The following CADM2 variants were observed in gnomAD, a reference collection of about 807,000 sequenced individuals.
The protein encoded by CADM2 is immunoglobulin superfamily member 4D.
In CADM2, 12 loss-of-function variants were observed where a neutral mutation model predicts 49.8. The ratio of observed to expected loss-of-function variants is 0.24; its 90% CI spans 0.15 to 0.39. CADM2 has a LOEUF of 0.39. Among genes scored for constraint, CADM2 ranks in the 10% least tolerant of loss-of-function variants. The pLI, the probability that CADM2 is intolerant of heterozygous loss-of-function variation, is 1.00. For missense variants in CADM2, 378 were observed against 492.3 expected, an observed-to-expected ratio of 0.77 and a Z score of 2.20; for synonymous variants, 214 against 175.4, an observed-to-expected ratio of 1.22 and a Z score of -1.74.
chr3:85,402,364 T>C (rs2035156457), intron 1 of CADM2, among the ~76,000 whole-genome samples: 1 of 152,056 alleles, frequency 6.6e-6, no homozygotes, highest in Non-Finnish European at 1.5e-5. Flanking sequence ...ATTCCTTCTA[T>C]ATAGCTACAC....
chr3:85,106,931 C>A (rs2038249263), intron 1 of CADM2, among the ~76,000 whole-genome samples: 1 of 151,990 alleles, frequency 6.6e-6, no homozygotes. Flanking sequence ...ATTAGGAGAT[C>A]TAAAAGAAAA....
At chr3:85,202,552 G>A (rs1041400662) in intron 1 of CADM2, among the ~76,000 whole-genome samples, 3 of 151,900 alleles carry the variant, frequency 2.0e-5, no homozygotes, top group Non-Finnish European at 4.4e-5. Flanking sequence ...GTAAACAGAT[G>A]TGCTGTCATA....
At chr3:85,271,879 T>C (rs1363660455) in intron 1 of CADM2, among the ~76,000 whole-genome samples, 1 of 151,224 alleles carries the variant, frequency 6.6e-6, no homozygotes, top group Non-Finnish European at 1.5e-5. Flanking sequence ...TAGGGATTAC[T>C]TAATAGCAAA....
chr3:85,630,756 A>G (rs2064282989), intron 1 of CADM2, among the ~76,000 whole-genome samples: 1 of 152,010 alleles, frequency 6.6e-6, no homozygotes, highest in African/African-American at 2.4e-5. Flanking sequence ...TAAGAAAGAA[A>G]ATTAAGCATT....
chr3:85,802,575 G>A (rs2072118142), intron 3 of CADM2, among the ~76,000 whole-genome samples: 1 of 152,026 alleles, frequency 6.6e-6, no homozygotes, highest in South Asian at 2.1e-4. Context: ...TTTGGAAGAT[G>A]CAATATGATT....
intron 1 of CADM2, among the ~76,000 whole-genome samples, chr3:85,004,274 T>C (rs1872553): frequency 6.6e-6 from 1 of 151,884 alleles, no homozygotes. Flanking sequence ...AACACAAATA[T>C]CTTTTTCTCA....
chr3:85,259,907 A>G (rs1013229357), intron 1 of CADM2, among the ~76,000 whole-genome samples: 4 of 152,068 alleles, frequency 2.6e-5, no homozygotes, highest in Non-Finnish European at 5.9e-5. Context: ...TCGTTGTGCC[A>G]GGGTTTCCTA....
At chr3:85,239,586 A>C (rs1207546293) in intron 1 of CADM2, among the ~76,000 whole-genome samples, 2 of 151,650 alleles carry the variant, frequency 1.3e-5, no homozygotes, top group African/African-American at 2.4e-5. Context: ...AATGTTTCAC[A>C]TGAGATATTA....
intron 1 of CADM2, among the ~76,000 whole-genome samples, chr3:85,430,635 A>G (rs1461456836): frequency 6.6e-6 from 1 of 150,580 alleles, no homozygotes; most frequent in Non-Finnish European, 1.5e-5. Flanking sequence ...TAAAAGGGAG[A>G]GAAAGAGAGG....
intron 3 of CADM2, among the ~76,000 whole-genome samples, chr3:85,821,537 T>TAGAA (rs2073565987): frequency 6.6e-6 from 1 of 152,172 alleles, no homozygotes; most frequent in Non-Finnish European, 1.5e-5. Context: ...TTCCTGGGAC[T>TAGAA]AGAAAGAAAG....
At chr3:85,999,224 C>CTTATTTAATTTTACAG (rs1485737446) in intron 8 of CADM2, among the ~76,000 whole-genome samples, 1 of 146,916 alleles carries the variant, frequency 6.8e-6, no homozygotes, top group Non-Finnish European at 1.5e-5. Context: ...TTTTGCCAGG[C>CTTATTTAATTTTACAG]GTGGTGGCTC....
chr3:84,977,738 A>G (rs1202564737), intron 1 of CADM2, among the ~76,000 whole-genome samples: 1 of 152,104 alleles, frequency 6.6e-6, no homozygotes, highest in African/African-American at 2.4e-5. Flanking sequence ...ACAACAGAAT[A>G]GTTCTTAAAA....
intron 8 of CADM2, among the ~76,000 whole-genome samples, chr3:86,061,322 A>G (rs578177220): frequency 6.6e-6 from 1 of 152,276 alleles, no homozygotes; most frequent in Non-Finnish European, 1.5e-5. Context: ...TTTTAAAACC[A>G]TAATACTGGT....
At chr3:85,200,916 GTTA>G (rs2041481794) in intron 1 of CADM2, among the ~76,000 whole-genome samples, 1 of 151,998 alleles carries the variant, frequency 6.6e-6, no homozygotes, top group Non-Finnish European at 1.5e-5. Flanking sequence ...GTAATTATAT[GTTA>G]TTATTAACCA....
At chr3:85,673,087 A>G (rs565296279) in intron 1 of CADM2, among the ~76,000 whole-genome samples, 1 of 152,340 alleles carries the variant, frequency 6.6e-6, no homozygotes, top group East Asian at 1.9e-4. Context: ...AATGTCAGGT[A>G]AATGGATGTA....
At chr3:85,930,014 G>C (rs1004347644) in intron 6 of CADM2, among the ~76,000 whole-genome samples, 4 of 151,950 alleles carry the variant, frequency 2.6e-5, no homozygotes, top group Non-Finnish European at 5.9e-5. Context: ...TGTAGTACTT[G>C]TGGTTAATAA....
At chr3:85,066,366 G>A (rs758954667) in intron 1 of CADM2, among the ~76,000 whole-genome samples, 1 of 145,512 alleles carries the variant, frequency 6.9e-6, no homozygotes, top group Non-Finnish European at 1.5e-5. Flanking sequence ...GGGGTAAAAT[G>A]CTGGAATCAG....
intron 8 of CADM2, chr3:86,013,817 T>G (rs528560534): frequency 1.9e-6 from 3 of 1,589,398 alleles, no homozygotes. Context: ...AGCATTGTCG[T>G]GGTCAGGCTT....
At chr3:85,187,633 A>G (rs1244238840) in intron 1 of CADM2, among the ~76,000 whole-genome samples, 1 of 152,108 alleles carries the variant, frequency 6.6e-6, no homozygotes, top group African/African-American at 2.4e-5. Context: ...TTCTATAAAG[A>G]GATTATTTTC....
Sources: gnomAD v4.1 joint callset for allele counts (sites outside exome capture counted in the v4.1 genomes callset) on GRCh38, gnomAD v4.1.1 for gene constraint, MANE v1.5 for transcripts, NCBI Gene and HGNC (gene_info 2026-07-23, HGNC 2026-07-21) for gene names.